Variants in SHISAL2B observed in about 807,000 individuals in gnomAD.
SHISAL2B encodes the protein shisa like 2B.
A neutral mutation model predicts 16.5 loss-of-function variants in SHISAL2B; 12 were observed. The observed-to-expected ratio is 0.73, with a 90% CI of 0.47 to 1.18. The LOEUF (loss-of-function observed/expected upper bound fraction) is 1.18. Among genes scored for constraint, SHISAL2B ranks in the 50% most tolerant of loss-of-function variants. The pLI is 0.00. For synonymous variants in SHISAL2B, 72 were observed against 75.0 expected (o/e 0.96, Z 0.21); for missense variants, 183 against 193.6 (o/e 0.95, Z 0.33).
Position 64,695,045 on chromosome 5 carries a change from G to A in SHISAL2B, c.192-462G>A, listed in dbSNP as rs377157462. On this transcript the variant is annotated intron_variant, in intron 1 of 2. Transcript: ENST00000389074. ...TTTGGGAGGCCGAGGCGGGTGGATCGCCTGAGCTCAGGAGTTCGAGACCAT... is the reference window on the plus strand; with the variant it reads ...TTTGGGAGGCCGAGGCGGGTGGATCACCTGAGCTCAGGAGTTCGAGACCAT... 8.2e-4 allele frequency among the ~76,000 whole-genome samples: 124 copies of A among 152,106 alleles called. No individual in the cohort carries two copies. In the East Asian group the frequency reaches 0.021, roughly 25 times the overall value.
intron 1 of SHISAL2B, among the ~76,000 whole-genome samples, chr5:64,693,153 G>T (rs1406414950): frequency 6.6e-6 from 1 of 151,884 alleles, no homozygotes; most frequent in African/African-American, 2.4e-5. Context: ...GACTACAGGC[G>T]CCTGCCACCA....
chr5:64,705,667 CCTT>C (rs1365693245), intron 2 of SHISAL2B, among the ~76,000 whole-genome samples: 18 of 152,080 alleles, frequency 1.2e-4, no homozygotes, highest in Admixed American at 2.0e-4. Flanking sequence ...CCTACAAACA[CCTT>C]AATTTGATTT....
intron 1 of SHISAL2B, 38 bp downstream of exon 1, chr5:64,690,852 C>A: frequency 1.4e-6 from 2 of 1,467,638 alleles, no homozygotes; most frequent in Non-Finnish European, 9.0e-7. Flanking sequence ...GCTGGCCGAG[C>A]CCGGGGCTAG....
chr5:64,696,701 C>A (rs530000119), intron 2 of SHISAL2B, among the ~76,000 whole-genome samples: 3 of 152,250 alleles, frequency 2.0e-5, no homozygotes, highest in East Asian at 3.9e-4. Flanking sequence ...GAGGAAAAAA[C>A]CCCACCCTGG....
At chr5:64,717,258 C>T (rs918716241) in intron 2 of SHISAL2B, among the ~76,000 whole-genome samples, 3 of 152,140 alleles carry the variant, frequency 2.0e-5, no homozygotes, top group African/African-American at 7.2e-5. Flanking sequence ...CTGTTCTTTA[C>T]GTATTTATGT....
At chr5:64,711,343 T>C (rs192456) in intron 2 of SHISAL2B, among the ~76,000 whole-genome samples, 25,305 of 149,112 alleles carry the variant, frequency 0.17, 2,733 homozygotes, top group Non-Finnish European at 0.23. Context: ...ATTACATTTA[T>C]TGATTTGCGT....
chr5:64,708,714 CT>C (rs2112068502), intron 2 of SHISAL2B, among the ~76,000 whole-genome samples: 1 of 152,222 alleles, frequency 6.6e-6, no homozygotes, highest in Admixed American at 6.5e-5. Context: ...TGCCATCTTT[CT>C]CTACTATATT....
At chr5:64,695,145 G>A (rs1250167509) in intron 1 of SHISAL2B, among the ~76,000 whole-genome samples, 1 of 151,952 alleles carries the variant, frequency 6.6e-6, no homozygotes, top group Non-Finnish European at 1.5e-5. Context: ...TGCACCTGTA[G>A]TCCCAGCTAC....
chr5:64,690,694 GC>G lies in SHISAL2B; in HGVS notation c.76del (p.Arg26GlyfsTer43), dbSNP rs780716615. 469 of 1,534,960 alleles carry G rather than the reference GC, an allele frequency of 3.1e-4. No individual in the cohort carries two copies. Among genetic ancestry groups the G allele is most frequent in the East Asian group, 5.4e-4 (22 of 40,842 alleles). The part of the protein sequence containing the change: ...LNQSFVEPFQ[C>X]PRRGEGAALQ... ...CAGAGCTTCGTGGAGCCCTTCCAGT[GC>G]CCCCGGCGCGGCGAGGGGGCAGCGC... On this transcript the variant is annotated frameshift_variant, in exon 1 of 3. Coordinates refer to ENST00000389074, the MANE Select transcript of SHISAL2B (RefSeq NM_001164442.2). LOFTEE classifies it high-confidence loss of function.
chr5:64,710,967 A>G (rs1446281199), intron 2 of SHISAL2B, among the ~76,000 whole-genome samples: 20 of 141,858 alleles, frequency 1.4e-4, no homozygotes, highest in African/African-American at 5.7e-4. Flanking sequence ...TAGATAAACA[A>G]TCATGTTGTC....
chr5:64,690,719 G>GC lies in SHISAL2B; in HGVS notation c.97dup (p.Leu33ProfsTer73). 1 of 1,536,510 alleles carries GC rather than the reference G, an allele frequency of 6.5e-7. No individual in the cohort carries two copies. Reference sequence around the variant, plus strand: ...GCCCCCGGCGCGGCGAGGGGGCAGCGCTCCAGTATTGCTGCGGCTTCGCCG... The same window carrying GC: ...GCCCCCGGCGCGGCGAGGGGGCAGCGCCTCCAGTATTGCTGCGGCTTCGCCG... On this transcript the variant is annotated frameshift_variant, in exon 1 of 3. Transcript: ENST00000389074. LOFTEE classifies it high-confidence loss of function.
chr5:64,696,473 TC>T (rs1741737258), intron 2 of SHISAL2B, among the ~76,000 whole-genome samples: 5 of 152,340 alleles, frequency 3.3e-5, no homozygotes, highest in Non-Finnish European at 5.9e-5. Context: ...GCCATATTTT[TC>T]TTCTTGCAGA....
At chr5:64,703,089 C>G (rs921779491) in intron 2 of SHISAL2B, among the ~76,000 whole-genome samples, 5 of 152,148 alleles carry the variant, frequency 3.3e-5, no homozygotes, top group African/African-American at 1.2e-4. Flanking sequence ...AATAAACTTT[C>G]AAATCACTCT....
At chr5:64,703,130 G>T (rs1741831618) in intron 2 of SHISAL2B, among the ~76,000 whole-genome samples, 1 of 152,162 alleles carries the variant, frequency 6.6e-6, no homozygotes, top group African/African-American at 2.4e-5. Context: ...ATGGTATTTT[G>T]ATGGGTTTTG....
At chr5:64,716,549 G>A (rs558768819) in intron 2 of SHISAL2B, among the ~76,000 whole-genome samples, 1 of 152,274 alleles carries the variant, frequency 6.6e-6, no homozygotes, top group Admixed American at 6.5e-5. Context: ...GAAGGGGTTG[G>A]TGATGGGGAT....
intron 2 of SHISAL2B, among the ~76,000 whole-genome samples, chr5:64,708,924 T>C (rs1462129057): frequency 6.6e-6 from 1 of 152,118 alleles, no homozygotes; most frequent in Non-Finnish European, 1.5e-5. Context: ...TGTGCCACTC[T>C]AGGCCCTGGA....
At chr5:64,712,877 T>G (rs1377193375) in intron 2 of SHISAL2B, among the ~76,000 whole-genome samples, 1 of 150,024 alleles carries the variant, frequency 6.7e-6, no homozygotes, top group Non-Finnish European at 1.5e-5. Flanking sequence ...CCTTTTTTTG[T>G]TTTCCATTTG....
intron 2 of SHISAL2B, among the ~76,000 whole-genome samples, chr5:64,712,444 G>C (rs1741972787): frequency 6.6e-6 from 1 of 151,988 alleles, no homozygotes; most frequent in African/African-American, 2.4e-5. Context: ...TTGCTGAGGA[G>C]AGTTTTACTT....
chr5:64,715,959 T>G (rs550869779), intron 2 of SHISAL2B, among the ~76,000 whole-genome samples: 1 of 152,322 alleles, frequency 6.6e-6, no homozygotes, highest in East Asian at 1.9e-4. Flanking sequence ...CTTGGGAATT[T>G]CTTGTTAAAG....
Sources: allele counts gnomAD v4.1 joint callset (sites outside exome capture counted in the v4.1 genomes callset), GRCh38; gene constraint gnomAD v4.1.1; transcripts MANE v1.5; gene names NCBI Gene and HGNC (gene_info 2026-07-23, HGNC 2026-07-21).